CDK14: variants seen among roughly 807,000 people sequenced by gnomAD.
CDK14 encodes cyclin-dependent kinase 14.
A neutral mutation model predicts 60.7 loss-of-function variants in CDK14; 34 were observed. That is an observed-to-expected ratio of 0.56 (90% CI 0.43 to 0.75). The LOEUF (loss-of-function observed/expected upper bound fraction) is 0.75. Among genes scored for constraint, CDK14 ranks in the 30% least tolerant of loss-of-function variants. The pLI is 0.00. For missense variants in CDK14, 482 were observed against 564.1 expected (o/e 0.85, Z 1.47); for synonymous variants, 197 against 203.7 (o/e 0.97, Z 0.28).
At chr7:91,091,317 ATGTATACACATATG>A (rs1323413487) in intron 12 of CDK14, among the ~76,000 whole-genome samples, 1 of 144,416 alleles carries the variant, frequency 6.9e-6, no homozygotes, top group Non-Finnish European at 1.5e-5. Flanking sequence ...TATATAATTT[ATGTATACACATATG>A]TGTATACATA....
chr7:90,873,661 G>T (rs1791452516), intron 6 of CDK14, among the ~76,000 whole-genome samples: 1 of 151,928 alleles, frequency 6.6e-6, no homozygotes, highest in African/African-American at 2.4e-5. Context: ...TTAGTTCCAG[G>T]TTTCTTATGA....
intron 2 of CDK14, among the ~76,000 whole-genome samples, chr7:90,653,268 T>A (rs17875066): frequency 2.0e-5 from 3 of 151,850 alleles, no homozygotes; most frequent in South Asian, 4.2e-4. Flanking sequence ...ACAACCCCCC[T>A]CTGTTTCTTC....
chr7:90,742,945 A>G (rs1803412965), intron 3 of CDK14, among the ~76,000 whole-genome samples: 1 of 152,074 alleles, frequency 6.6e-6, no homozygotes, highest in Non-Finnish European at 1.5e-5. Context: ...TACATGAGAT[A>G]TCTTAGGAAG....
intron 8 of CDK14, among the ~76,000 whole-genome samples, chr7:90,920,760 T>C (rs924811999): frequency 6.6e-6 from 1 of 152,240 alleles, no homozygotes; most frequent in African/African-American, 2.4e-5. Flanking sequence ...TACAAAAATA[T>C]GCATCACATA....
chr7:91,151,178 A>G lies in CDK14; in HGVS notation c.*28+32970A>G, dbSNP rs1049693765. Among the ~76,000 whole-genome samples, 3 of 152,182 alleles carry G rather than the reference A, an allele frequency of 2.0e-5. No individual in the cohort carries two copies. The East Asian group carries it at 5.8e-4, about 29-fold the overall frequency. On this transcript the variant is annotated intron_variant, in intron 14 of 14. Transcript: ENST00000380050. ...TCAGCCTCTTGCTCTTACCCTTCTC[A>G]TTCCCACACCCCAGTCTTTAGGCTG...
At position 90,664,405 on chromosome 7, in the gene CDK14, G is replaced by C. The variant is rs557420162; in HGVS notation, c.123+60156G>C. ...GCGATTCCTCAGGGATCTAGAACTAGAAATACCATTTGACCCAGCCATCCC... is the reference window on the plus strand; with the variant it reads ...GCGATTCCTCAGGGATCTAGAACTACAAATACCATTTGACCCAGCCATCCC... On this transcript the variant is annotated intron_variant, in intron 2 of 14. Coordinates refer to ENST00000380050, the MANE Select transcript of CDK14 (RefSeq NM_001287135.2). 6.9e-4 allele frequency among the ~76,000 whole-genome samples: 105 copies of C among 152,260 alleles called. 1 individual carries two copies. Among genetic ancestry groups the C allele is most frequent in the Admixed American group, 4.6e-3 (71 of 15,292 alleles).
intron 4 of CDK14, among the ~76,000 whole-genome samples, chr7:90,751,440 T>C (rs1803842766): frequency 6.7e-6 from 1 of 148,540 alleles, no homozygotes; most frequent in Non-Finnish European, 1.5e-5. Flanking sequence ...CGCAAAGGAG[T>C]AATAAAATGT....
intron 6 of CDK14, among the ~76,000 whole-genome samples, chr7:90,894,003 C>T (rs1253465407): frequency 6.6e-6 from 1 of 152,152 alleles, no homozygotes; most frequent in Non-Finnish European, 1.5e-5. Context: ...CTAGAAGTTC[C>T]TAGGGAACTT....
intron 14 of CDK14, among the ~76,000 whole-genome samples, chr7:91,182,582 A>T (rs543569988): frequency 6.6e-6 from 1 of 152,170 alleles, no homozygotes; most frequent in African/African-American, 2.4e-5. Flanking sequence ...ATATATAGAA[A>T]AGAGGGACAG....
chr7:90,888,147 T>A (rs1303572809), intron 6 of CDK14, among the ~76,000 whole-genome samples: 8 of 152,016 alleles, frequency 5.3e-5, no homozygotes, highest in Admixed American at 5.2e-4. Flanking sequence ...GTCAGGAGAT[T>A]GAGACCATCC....
At chr7:91,003,606 C>T (rs1206276662) in intron 10 of CDK14, among the ~76,000 whole-genome samples, 1 of 152,116 alleles carries the variant, frequency 6.6e-6, no homozygotes, top group Non-Finnish European at 1.5e-5. Context: ...CCATCATCTA[C>T]ATAGTAGAAG....
intron 8 of CDK14, among the ~76,000 whole-genome samples, chr7:90,928,239 C>T (rs1451364962): frequency 6.6e-6 from 1 of 152,204 alleles, no homozygotes; most frequent in Non-Finnish European, 1.5e-5. Flanking sequence ...AGTCATTCTC[C>T]GTCCAGCTTT....
At chr7:90,773,842 C>CCCTCCTCTCCTCTCCT (rs1158442487) in intron 4 of CDK14, among the ~76,000 whole-genome samples, 148 of 136,368 alleles carry the variant, frequency 1.1e-3, no homozygotes, top group African/African-American at 4.0e-3. Flanking sequence ...GTCTTCTCTT[C>CCCTCCTCTCCTCTCCT]CCTCCTCTCC....
chr7:90,603,234 A>T (rs1799352204), intron 1 of CDK14, among the ~76,000 whole-genome samples: 1 of 152,208 alleles, frequency 6.6e-6, no homozygotes, highest in Non-Finnish European at 1.5e-5. Flanking sequence ...AAATGTAAGG[A>T]ACTAGATGTT....
intron 2 of CDK14, among the ~76,000 whole-genome samples, chr7:90,622,036 A>G (rs1345284112): frequency 2.0e-5 from 3 of 152,228 alleles, no homozygotes; most frequent in Non-Finnish European, 4.4e-5. Context: ...TGAATTGTGT[A>G]ACTTTTAAGT....
At chr7:91,000,592 C>T (rs748687512) in intron 10 of CDK14, among the ~76,000 whole-genome samples, 19 of 152,186 alleles carry the variant, frequency 1.2e-4, no homozygotes, top group Non-Finnish European at 2.5e-4. Context: ...ACTCTTTATT[C>T]CCTCCACATA....
intron 2 of CDK14, among the ~76,000 whole-genome samples, chr7:90,621,471 C>T (rs546856751): frequency 6.6e-6 from 1 of 152,206 alleles, no homozygotes; most frequent in African/African-American, 2.4e-5. Flanking sequence ...GCAGAGACAG[C>T]ATTTCTACCT....
intron 8 of CDK14, among the ~76,000 whole-genome samples, chr7:90,934,196 C>A (rs1360405791): frequency 6.6e-6 from 1 of 152,248 alleles, no homozygotes; most frequent in Non-Finnish European, 1.5e-5. Flanking sequence ...TCTCTGGCCT[C>A]CTATCAGCTG....
chr7:90,723,960 A>T (rs1802544728), intron 2 of CDK14, among the ~76,000 whole-genome samples: 1 of 152,140 alleles, frequency 6.6e-6, no homozygotes, highest in Non-Finnish European at 1.5e-5. Flanking sequence ...ATGAATTGGG[A>T]AGTATATCCT....
Sources: gnomAD v4.1 joint callset for allele counts (sites outside exome capture counted in the v4.1 genomes callset) on GRCh38, gnomAD v4.1.1 for gene constraint, MANE v1.5 for transcripts, NCBI Gene and HGNC (gene_info 2026-07-23, HGNC 2026-07-21) for gene names.